The following GRIN2D variants were observed in gnomAD, a reference collection of about 807,000 sequenced individuals.
GRIN2D encodes the protein glutamate receptor ionotropic, NMDA 2D.
Under a neutral mutation model 103.2 loss-of-function variants are expected in GRIN2D, and 37 were observed. The ratio of observed to expected loss-of-function variants is 0.36; its 90% CI spans 0.28 to 0.47. The LOEUF (loss-of-function observed/expected upper bound fraction) is 0.47. Ranked by LOEUF, GRIN2D falls within the 20% of genes least tolerant of loss-of-function variation. The pLI is 1.00. For synonymous variants in GRIN2D, 845 were observed against 885.6 expected (o/e 0.95, Z 0.81); for missense variants, 1,557 against 1,910.6 (o/e 0.81, Z 3.45).
intron 8 of GRIN2D, among the ~76,000 whole-genome samples, chr19:48,416,745 CT>C (rs56292890): frequency 3.1e-4 from 44 of 141,108 alleles, no homozygotes; most frequent in Non-Finnish European, 3.4e-4. Context: ...CTCTCTCTCT[CT>C]TTTTTTTTTT....
intron 4 of GRIN2D, among the ~76,000 whole-genome samples, chr19:48,412,420 GAAAA>G (rs1331456389): frequency 8.4e-5 from 8 of 94,982 alleles, no homozygotes; most frequent in African/African-American, 1.6e-4. Flanking sequence ...GAAAGAGAAA[GAAAA>G]GAAAGAAAGA....
chr19:48,431,904 TTA>T (rs1971161761), intron 11 of GRIN2D, among the ~76,000 whole-genome samples: 1 of 145,116 alleles, frequency 6.9e-6, no homozygotes, highest in Non-Finnish European at 1.5e-5. Context: ...TTCTTTTCTT[TTA>T]TCTTTTCTTT....
chr19:48,419,142 G>T (rs1198697356), intron 8 of GRIN2D, 92 bp from the exon 9 acceptor site: 1 of 1,241,808 alleles, frequency 8.1e-7, no homozygotes. Context: ...GCCTCCCAAA[G>T]TTCTGGGAGT....
In GRIN2D at chr19:48,433,519, G is replaced by C. The variant is rs1440837759; in HGVS notation, c.2253-8250G>C. On this transcript the variant is annotated intron_variant, in intron 11 of 13. Coordinates refer to ENST00000263269, the MANE Select transcript of GRIN2D (RefSeq NM_000836.4). Reference sequence around the variant, plus strand: ...GAGGCAGCTCCCAGGGCTCTGGCCGGCTCGCAGGCCAAACGTGGGCTCACC... The same window carrying C: ...GAGGCAGCTCCCAGGGCTCTGGCCGCCTCGCAGGCCAAACGTGGGCTCACC... 2.0e-5 allele frequency among the ~76,000 whole-genome samples: 3 copies of C among 152,230 alleles called. No homozygotes were observed. The East Asian group carries it at 5.8e-4, about 29-fold the overall frequency.
At chr19:48,419,404 A>C (rs1419785214) in intron 9 of GRIN2D, 45 bp downstream of exon 9, 15 of 1,572,510 alleles carry the variant, frequency 9.5e-6, no homozygotes, top group Admixed American at 1.9e-5. Context: ...ATCCCGAACC[A>C]CAGAGACAGA....
intron 11 of GRIN2D, among the ~76,000 whole-genome samples, chr19:48,425,302 T>G (rs951244879): frequency 6.6e-6 from 1 of 152,106 alleles, no homozygotes; most frequent in African/African-American, 2.4e-5. Flanking sequence ...AGTGCAGTGC[T>G]GCAATCTCGG....
intron 11 of GRIN2D, among the ~76,000 whole-genome samples, chr19:48,440,371 TCACTTGAGCCCAGGAGTTAGAG>T (rs1778788462): frequency 6.6e-6 from 1 of 152,020 alleles, no homozygotes; most frequent in Non-Finnish European, 1.5e-5. Flanking sequence ...GGCGGGAAGA[TCACTTGAGCCCAGGAGTTAGAG>T]CCCAGCCTGG....
chr19:48,394,172 C>G lies in GRIN2D; in HGVS notation c.-306+304C>G, dbSNP rs943706243. 6.6e-6 allele frequency among the ~76,000 whole-genome samples: 1 copy of G among 151,956 alleles called. No homozygotes were observed. The highest frequency in any genetic ancestry group is 1.5e-5 in the Non-Finnish European group (1 of 67,974). On this transcript the variant is annotated intron_variant, in intron 1 of 13. Coordinates refer to ENST00000263269, the MANE Select transcript of GRIN2D (RefSeq NM_000836.4). The surrounding 1 kb of genome is among the most constrained non-coding windows in gnomAD (Gnocchi z 5.1). ...CAGTGGCAGCCTGGCCCCCATTAGACCCCCCACTCTGTGTGTGTGTGTCTG... is the reference window on the plus strand; with the variant it reads ...CAGTGGCAGCCTGGCCCCCATTAGAGCCCCCACTCTGTGTGTGTGTGTCTG...
chr19:48,436,005 G>A (rs755583340), intron 11 of GRIN2D, among the ~76,000 whole-genome samples: 1 of 152,212 alleles, frequency 6.6e-6, no homozygotes, highest in Non-Finnish European at 1.5e-5. Context: ...ATCAAATAGG[G>A]TGCTCAGGAA....
Position 48,404,822 on chromosome 19 carries a change from C to A in GRIN2D, c.554C>A (p.Thr185Lys). 3.1e-6 allele frequency: 5 copies of A among 1,614,164 alleles called. No homozygotes were observed. Among genetic ancestry groups the A allele is most frequent in the Non-Finnish European group, 4.2e-6 (5 of 1,180,026 alleles). ...IFEVLEEYDWTSFVAVTTRAP... is the reference protein window; with the variant it reads ...IFEVLEEYDWKSFVAVTTRAP... ...GAGGTGCTGGAGGAGTATGACTGGACGTCCTTTGTAGCCGTGACCACTCGT... is the reference window on the plus strand; with the variant it reads ...GAGGTGCTGGAGGAGTATGACTGGAAGTCCTTTGTAGCCGTGACCACTCGT... The change falls in exon 4 of 14, where the codon ACG (threonine) becomes AAG (lysine). Residue 185 changes from threonine (T) to lysine (K), a missense_variant. By Grantham distance (78) the Thr-to-Lys change is moderately conservative. This residue lies in a region of GRIN2D where 490 missense variants were observed against 601.1 expected (regional missense o/e 0.82). Transcript: ENST00000263269.
At position 48,405,098 on chromosome 19, in the gene GRIN2D, C is replaced by G. The variant is rs771300277; in HGVS notation, c.830C>G (p.Pro277Arg). 6 of 1,595,598 alleles carry G rather than the reference C, an allele frequency of 3.8e-6. No homozygotes were observed. Among genetic ancestry groups the G allele is most frequent in the Non-Finnish European group, 5.1e-6 (6 of 1,170,694 alleles). The part of the protein sequence containing the change: ...GSGYVWFMVG[P>R]QLAGGGGSGA... The stretch of plus-strand genomic sequence containing the variant: ...GGCTACGTCTGGTTCATGGTGGGGC[C>G]CCAGCTGGCTGGAGGCGGGGGCTCT... Residue 277 changes from proline to arginine, a missense_variant, in exon 4 of 14, where the codon CCC (proline) becomes CGC (arginine). Physicochemically the swap from Pro to Arg is moderately radical, Grantham distance 103 (BLOSUM62 -2). This residue lies in a region of GRIN2D where 490 missense variants were observed against 601.1 expected (regional missense o/e 0.82). Coordinates refer to ENST00000263269, the MANE Select transcript of GRIN2D (RefSeq NM_000836.4). The surrounding 1 kb of genome is among the most constrained non-coding windows in gnomAD (Gnocchi z 5.1).
chr19:48,443,625 G>A lies in GRIN2D; in HGVS notation c.3699G>A (p.Pro1233=). The part of the protein sequence containing the change: ...RARCGCPRSH[P]HRPRASHRTP... Reference sequence around the variant, plus strand: ...GCTGCGGGTGCCCGCGGTCGCACCCGCACCGCCCGCGGGCCTCGCACCGCA... The same window carrying A: ...GCTGCGGGTGCCCGCGGTCGCACCCACACCGCCCGCGGGCCTCGCACCGCA... The change falls in exon 14 of 14, where the codon CCG becomes CCA. Residue 1233 remains proline (P), a synonymous_variant. Coordinates refer to ENST00000263269, the MANE Select transcript of GRIN2D (RefSeq NM_000836.4). The surrounding 1 kb of genome is among the most constrained non-coding windows in gnomAD (Gnocchi z 8.9). The A allele has an allele frequency of 9.3e-7, 1 of 1,080,456 alleles. No homozygotes were observed. Among genetic ancestry groups the A allele is most frequent in the South Asian group, 4.1e-5 (1 of 24,500 alleles). 66.9% of individuals were successfully genotyped at this position (1,080,456 alleles called of 1,614,324 possible).
Position 48,437,542 on chromosome 19 carries a change from T to G in GRIN2D, c.2253-4227T>G, listed in dbSNP as rs1449929648. ...AAAGTGAATGCTGTTAGAGCTCCTC[T>G]TTCTGAAATCTCTCAAATATTTCCA... On this transcript the variant is annotated intron_variant, in intron 11 of 13. Transcript: ENST00000263269. Among the ~76,000 whole-genome samples the G allele has an allele frequency of 5.9e-5, 9 of 152,218 alleles. No homozygotes were observed. In the East Asian group the frequency reaches 1.5e-3, roughly 26 times the overall value.
At position 48,442,620 on chromosome 19, in the gene GRIN2D, C is replaced by T. The variant is rs1325959585; in HGVS notation, c.2694C>T (p.Ser898=). ...CGCAGGGCATGTACAGCTGCTGCAG[C>T]GCTGAGGCCGCCCCACCGCCCGCCA... The part of the protein sequence containing the change: ...AFSRGMYSCC[S]AEAAPPPAKP... The change falls in exon 14 of 14, where the codon AGC becomes AGT. Residue 898 remains serine, a synonymous_variant. Transcript: ENST00000263269. The surrounding 1 kb of genome is among the most constrained non-coding windows in gnomAD (Gnocchi z 7.2). The T allele has an allele frequency of 2.0e-6, 3 of 1,507,118 alleles. No homozygotes were observed. Among genetic ancestry groups the T allele is most frequent in the Non-Finnish European group, 2.7e-6 (3 of 1,130,678 alleles). 93.4% of individuals were successfully genotyped at this position (1,507,118 alleles called of 1,614,324 possible).
chr19:48,425,752 A>C (rs1237069123), intron 11 of GRIN2D, among the ~76,000 whole-genome samples: 1 of 152,122 alleles, frequency 6.6e-6, no homozygotes, highest in Non-Finnish European at 1.5e-5. Context: ...CTGAGGCCTC[A>C]TCCCGTGTCT....
chr19:48,398,823 T>A lies in GRIN2D; in HGVS notation c.431T>A (p.Val144Glu). 7.1e-7 allele frequency: 1 copy of A among 1,416,366 alleles called. No individual in the cohort carries two copies. Among genetic ancestry groups the A allele is most frequent in the Non-Finnish European group, 9.2e-7 (1 of 1,087,388 alleles). The allele number at this position is 1,416,366 out of a possible 1,614,324, so 87.7% of individuals were successfully genotyped here. Residue 144 changes from valine to glutamate, a missense_variant, in exon 3 of 14, where the codon GTG (valine) becomes GAG (glutamate). Val to Glu is a moderately radical substitution (Grantham distance 121). Around this residue, in one of 7 missense-constraint regions of GRIN2D, gnomAD observed 490 missense variants for 601.1 expected, o/e 0.82. Coordinates refer to ENST00000263269, the MANE Select transcript of GRIN2D (RefSeq NM_000836.4). Reference protein sequence around the residue: ...SAQTSLPIVAVHGGAALVLTP... With the variant: ...SAQTSLPIVAEHGGAALVLTP... ...CAGACCTCGCTGCCCATCGTGGCCG[T>A]GCACGGCGGCGCCGCGCTCGTGCTC...
chr19:48,435,708 A>G (rs1971221041), intron 11 of GRIN2D, among the ~76,000 whole-genome samples: 2 of 152,156 alleles, frequency 1.3e-5, no homozygotes, highest in African/African-American at 2.4e-5. Context: ...CGGCCTCCCA[A>G]AGTGCTGGGG....
intron 3 of GRIN2D, among the ~76,000 whole-genome samples, chr19:48,399,903 G>A (rs984777433): frequency 1.4e-4 from 21 of 151,956 alleles, no homozygotes; most frequent in African/African-American, 5.1e-4. Context: ...CGAGGGGCGG[G>A]GCCTAAGCAC....
chr19:48,441,934 G>A lies in GRIN2D; in HGVS notation c.2418G>A (p.Ala806=), dbSNP rs142827132. The A allele has an allele frequency of 7.0e-5, 113 of 1,608,550 alleles. No homozygotes were observed. The South Asian group carries it at 7.4e-4, about 10-fold the overall frequency. Reference sequence around the variant, plus strand: ...GCTGGAAGCGGCCCATCGACCTGGCGTTGCTGCAGTTCCTGGGGGATGGTG... The same window carrying A: ...GCTGGAAGCGGCCCATCGACCTGGCATTGCTGCAGTTCCTGGGGGATGGTG... ...GSRWKRPIDL[A]LLQFLGDDEI... The change falls in exon 12 of 14, where the codon GCG becomes GCA. Residue 806 remains alanine, a synonymous_variant. Transcript: ENST00000263269.
Sources: allele counts gnomAD v4.1 joint callset (sites outside exome capture counted in the v4.1 genomes callset), GRCh38; gene constraint gnomAD v4.1.1; regional missense constraint gnomAD v4.1.1; non-coding constraint Gnocchi (gnomAD v3.1); transcripts MANE v1.5; gene names NCBI Gene and HGNC (gene_info 2026-07-23, HGNC 2026-07-21).